Variants in PIK3CG observed in about 807,000 individuals in gnomAD.
The protein encoded by PIK3CG is phosphatidylinositol 4,5-bisphosphate 3-kinase catalytic subunit gamma isoform.
PIK3CG carries 55 observed loss-of-function variants against 102.3 expected under a neutral mutation model. The ratio of observed to expected loss-of-function variants is 0.54; its 90% CI spans 0.43 to 0.67. PIK3CG has a LOEUF of 0.67. Among genes scored for constraint, PIK3CG ranks in the 30% least tolerant of loss-of-function variants. The pLI, the probability that PIK3CG is intolerant of heterozygous loss-of-function variation, is 0.00. For missense variants in PIK3CG, 1,258 were observed against 1,391.8 expected (o/e 0.90, Z 1.53); for synonymous variants, 552 against 540.0 (o/e 1.02, Z -0.31).
intron 4 of PIK3CG, 93 bp downstream of exon 4, chr7:106,873,031 G>T: frequency 1.1e-6 from 1 of 946,532 alleles, no homozygotes; most frequent in Non-Finnish European, 1.7e-6. Context: ...TGGAATCCAA[G>T]TTGCATCCTC....
At chr7:106,865,861 A>G (rs1259573963) in intron 1 of PIK3CG, 1 of 152,230 alleles carries the variant, frequency 6.6e-6, no homozygotes, top group Non-Finnish European at 1.5e-5. Flanking sequence ...GTGTATTTAT[A>G]TGCTGCCTAA....
Position 106,867,939 on chromosome 7 carries a change from G to A in PIK3CG, c.378G>A (p.Lys126=), listed in dbSNP as rs750484068. The change falls in exon 2 of 11, where the codon AAG becomes AAA. Residue 126 remains lysine, a synonymous_variant. Transcript: ENST00000496166. This position sits in a 1 kb window ranked among gnomAD's most constrained non-coding sequence, Gnocchi z 5.1. The part of the protein sequence containing the change: ...VQTLDCLRYW[K]ATHRSPGQIH... ...CTCTGGACTGCCTGCGCTACTGGAA[G>A]GCCACGCACCGGAGCCCGGGCCAGA... 4 of 1,613,254 alleles carry A rather than the reference G, an allele frequency of 2.5e-6. No homozygotes were observed. Among genetic ancestry groups the A allele is most frequent in the Non-Finnish European group, 3.4e-6 (4 of 1,179,942 alleles).
Position 106,874,732 on chromosome 7 carries a change from C to T in PIK3CG, c.2320C>T (p.Leu774=). The change falls in exon 5 of 11, where the codon CTG becomes TTG. Residue 774 remains leucine (L), a synonymous_variant. Coordinates refer to ENST00000496166, the MANE Select transcript of PIK3CG (RefSeq NM_001282426.2). This position sits in a 1 kb window ranked among gnomAD's most constrained non-coding sequence, Gnocchi z 4.3. ...ISQLKQKLEN[L]QNSQLPESFR... ...ACAACTTAAACAAAAGCTTGAAAAC[C>T]TGCAGAATTCTCAACTCCCCGAAAG... 1 of 1,613,812 alleles carries T rather than the reference C, an allele frequency of 6.2e-7. No individual in the cohort carries two copies. Among genetic ancestry groups the T allele is most frequent in the Non-Finnish European group, 8.5e-7 (1 of 1,179,784 alleles).
In PIK3CG at chr7:106,905,252, G is replaced by GA; in HGVS notation, c.3179dup (p.Asn1060LysfsTer2). 6.2e-7 allele frequency: 1 copy of GA among 1,614,098 alleles called. No homozygotes were observed. ...ATATCCGGGATGCCCTCACAGTGGG[G>GA]AAAAATGAGGAGGATGCTAAAAAGT... On this transcript the variant is annotated frameshift_variant, in exon 11 of 11. Coordinates refer to ENST00000496166, the MANE Select transcript of PIK3CG (RefSeq NM_001282426.2). LOFTEE classifies it high-confidence loss of function. This position sits in a 1 kb window ranked among gnomAD's most constrained non-coding sequence, Gnocchi z 5.6.
In PIK3CG at chr7:106,891,021, A is replaced by G. The variant is rs1317407608; in HGVS notation, c.3030+4729A>G. Among the ~76,000 whole-genome samples, 1 of 152,236 alleles carries G rather than the reference A, an allele frequency of 6.6e-6. No homozygotes were observed. Among genetic ancestry groups the G allele is most frequent in the Non-Finnish European group, 1.5e-5 (1 of 68,044 alleles). On this transcript the variant is annotated intron_variant, in intron 10 of 10. Coordinates refer to ENST00000496166, the MANE Select transcript of PIK3CG (RefSeq NM_001282426.2). This position sits in a 1 kb window ranked among gnomAD's most constrained non-coding sequence, Gnocchi z 4.4. ...CCAGGTCCTTCATTGCATGTATCAC[A>G]AAATACATTTATTTGTACTGGTTTT... is the stretch of plus-strand genomic sequence containing the variant.
intron 10 of PIK3CG, among the ~76,000 whole-genome samples, chr7:106,898,357 T>G (rs1482014504): frequency 6.6e-6 from 1 of 152,258 alleles, no homozygotes; most frequent in Non-Finnish European, 1.5e-5. Context: ...TAATTTATTT[T>G]GCTGTGCAGA....
chr7:106,867,979 C>T lies in PIK3CG; in HGVS notation c.418C>T (p.Arg140Trp), dbSNP rs751449393. Residue 140 changes from arginine (R) to tryptophan (W), a missense_variant, in exon 2 of 11, where the codon CGG becomes TGG. Around this residue, in one of 2 missense-constraint regions of PIK3CG, gnomAD observed 832 missense variants for 787.5 expected, o/e 1.06. Coordinates refer to ENST00000496166, the MANE Select transcript of PIK3CG (RefSeq NM_001282426.2). This position sits in a 1 kb window ranked among gnomAD's most constrained non-coding sequence, Gnocchi z 5.1. ...CCCGGGCCAGATCCACCTGGTGCAG[C>T]GGCACCCGCCCTCCGAGGAGTCCCA... ...RSPGQIHLVQ[R>W]HPPSEESQAF... 4.3e-6 allele frequency: 7 copies of T among 1,611,986 alleles called. No homozygotes were observed. Among genetic ancestry groups the T allele is most frequent in the African/African-American group, 4.0e-5 (3 of 74,916 alleles).
In PIK3CG at chr7:106,899,620, T is replaced by A. The variant is rs1791493804; in HGVS notation, c.3031-5489T>A. On this transcript the variant is annotated intron_variant, in intron 10 of 10. Coordinates refer to ENST00000496166, the MANE Select transcript of PIK3CG (RefSeq NM_001282426.2). This position sits in a 1 kb window ranked among gnomAD's most constrained non-coding sequence, Gnocchi z 4.6. The stretch of plus-strand genomic sequence containing the variant: ...GGCTTTTCTGTGTCTATGGAGATAA[T>A]CATGTGGTTTTTGTCTTTAGTTCTT... Among the ~76,000 whole-genome samples, 1 of 152,216 alleles carries A rather than the reference T, an allele frequency of 6.6e-6. No homozygotes were observed. Among genetic ancestry groups the A allele is most frequent in the Non-Finnish European group, 1.5e-5 (1 of 68,038 alleles).
At position 106,899,080 on chromosome 7, in the gene PIK3CG, C is replaced by T. The variant is rs1791479830; in HGVS notation, c.3031-6029C>T. ...TAATTCTCATTGTAGAGATCTTTCA[C>T]CTCCCTGGTTGGCTATATCCCTAGG... On this transcript the variant is annotated intron_variant, in intron 10 of 10. Transcript: ENST00000496166. The surrounding 1 kb of genome is among the most constrained non-coding windows in gnomAD (Gnocchi z 4.6). Among the ~76,000 whole-genome samples the T allele has an allele frequency of 6.6e-6, 1 of 152,106 alleles. No homozygotes were observed.
At chr7:106,871,057 TC>T (rs1349515992) in intron 2 of PIK3CG, among the ~76,000 whole-genome samples, 2 of 152,354 alleles carry the variant, frequency 1.3e-5, no homozygotes, top group African/African-American at 2.4e-5. Flanking sequence ...TGAATAATGT[TC>T]TTTTTAGAAA....
intron 10 of PIK3CG, among the ~76,000 whole-genome samples, chr7:106,888,531 T>C (rs1195727269): frequency 6.6e-6 from 1 of 152,234 alleles, no homozygotes; most frequent in Non-Finnish European, 1.5e-5. Flanking sequence ...CTTTGTGCAG[T>C]CTGTCCTCTC....
chr7:106,865,305 T>A lies in PIK3CG; in HGVS notation c.-134T>A, dbSNP rs1276066987. ...CTGCAACACTTCCTCTGCATCTGGA[T>A]ATGAAGGGAGCCCCAGAAAAGCGGA... On this transcript the variant is annotated 5_prime_UTR_variant, in exon 1 of 11. Transcript: ENST00000496166. 2 of 152,176 alleles carry A rather than the reference T, an allele frequency of 1.3e-5. No individual in the cohort carries two copies. The highest frequency in any genetic ancestry group is 2.9e-5 in the Non-Finnish European group (2 of 68,034). 9.4% of individuals were successfully genotyped at this position (152,176 alleles called of 1,614,324 possible). A position where few individuals can be genotyped will look rare whatever the true frequency, so the allele number is the denominator to read the frequency against.
At position 106,907,004 on chromosome 7, in the gene PIK3CG, C is replaced by T. The variant is rs1191802651; in HGVS notation, c.*1617C>T. ...GGTATAGTGGTATGTGCCTGTAGTC[C>T]CAGGTACTCAGGAGGCTGAGGCAGG... On this transcript the variant is annotated 3_prime_UTR_variant, in exon 11 of 11. Coordinates refer to ENST00000496166, the MANE Select transcript of PIK3CG (RefSeq NM_001282426.2). 2 of 213,450 alleles carry T rather than the reference C, an allele frequency of 9.4e-6. No individual in the cohort carries two copies. The highest frequency in any genetic ancestry group is 5.9e-5 in the Admixed American group (1 of 16,954). 13.2% of individuals were successfully genotyped at this position (213,450 alleles called of 1,614,324 possible).
intron 10 of PIK3CG, among the ~76,000 whole-genome samples, chr7:106,896,674 C>G (rs938931732): frequency 6.6e-6 from 1 of 152,162 alleles, no homozygotes; most frequent in South Asian, 2.1e-4. Context: ...ACAGCCCACA[C>G]AAGTCTCCCG....
intron 4 of PIK3CG, among the ~76,000 whole-genome samples, chr7:106,873,363 T>A (rs1039960532): frequency 2.0e-5 from 3 of 152,160 alleles, no homozygotes; most frequent in African/African-American, 7.2e-5. Context: ...TATCTCAGAG[T>A]GATATATAGA....
At chr7:106,885,114 A>G (rs1584336047) in intron 9 of PIK3CG, among the ~76,000 whole-genome samples, 3 of 152,278 alleles carry the variant, frequency 2.0e-5, no homozygotes, top group African/African-American at 2.4e-5. Context: ...TGTGTGGCCC[A>G]GTTCCTAACA....
chr7:106,868,414 A>G lies in PIK3CG; in HGVS notation c.853A>G (p.Thr285Ala), dbSNP rs1790396584. 1 of 1,614,226 alleles carries G rather than the reference A, an allele frequency of 6.2e-7. No individual in the cohort carries two copies. Among genetic ancestry groups the G allele is most frequent in the Non-Finnish European group, 8.5e-7 (1 of 1,180,050 alleles). The change falls in exon 2 of 11, where the codon ACG (threonine) becomes GCG (alanine). Residue 285 changes from threonine (T) to alanine (A), a missense_variant. This residue lies in a region of PIK3CG where 832 missense variants were observed against 787.5 expected (regional missense o/e 1.06). Coordinates refer to ENST00000496166, the MANE Select transcript of PIK3CG (RefSeq NM_001282426.2). This position sits in a 1 kb window ranked among gnomAD's most constrained non-coding sequence, Gnocchi z 6.2. ...CGRDEYLVGE[T>A]PIKNFQWVRH... ...CCGGGATGAGTACCTGGTGGGCGAA[A>G]CGCCCATCAAAAACTTCCAGTGGGT...
Position 106,895,261 on chromosome 7 carries a change from G to A in PIK3CG, c.3030+8969G>A, listed in dbSNP as rs558432404. Among the ~76,000 whole-genome samples the A allele has an allele frequency of 6.6e-6, 1 of 152,320 alleles. No individual in the cohort carries two copies. Among genetic ancestry groups the A allele is most frequent in the Non-Finnish European group, 1.5e-5 (1 of 68,026 alleles). The stretch of plus-strand genomic sequence containing the variant: ...GAGAATGAGGATGTTTGAGGTCAAG[G>A]AGAGGCAGCCCTGGCAGAAGGGAAA... On this transcript the variant is annotated intron_variant, in intron 10 of 10. Transcript: ENST00000496166. The surrounding 1 kb of genome is among the most constrained non-coding windows in gnomAD (Gnocchi z 5.4).
chr7:106,867,699 C>T lies in PIK3CG; in HGVS notation c.138C>T (p.Thr46=), dbSNP rs1042063210. 1 of 1,613,290 alleles carries T rather than the reference C, an allele frequency of 6.2e-7. No homozygotes were observed. Among genetic ancestry groups the T allele is most frequent in the Non-Finnish European group, 8.5e-7 (1 of 1,179,970 alleles). ...ELIPIEFVLP[T]SQRKCKSPET... is the part of the protein sequence containing the mutation. The stretch of plus-strand genomic sequence containing the variant: ...TCCCCATCGAGTTCGTGCTGCCCAC[C>T]AGCCAGCGCAAATGCAAGAGCCCCG... Residue 46 remains threonine, a synonymous_variant, in exon 2 of 11, where the codon ACC becomes ACT. Coordinates refer to ENST00000496166, the MANE Select transcript of PIK3CG (RefSeq NM_001282426.2). The surrounding 1 kb of genome is among the most constrained non-coding windows in gnomAD (Gnocchi z 5.1).
Sources: gnomAD v4.1 joint callset for allele counts (sites outside exome capture counted in the v4.1 genomes callset) on GRCh38, gnomAD v4.1.1 for gene constraint, gnomAD v4.1.1 regional missense constraint, Gnocchi (gnomAD v3.1) non-coding constraint, MANE v1.5 for transcripts, NCBI Gene and HGNC (gene_info 2026-07-23, HGNC 2026-07-21) for gene names.